The following COXFA4 variants were observed in gnomAD, a reference collection of about 807,000 sequenced individuals.
COXFA4 encodes the protein cytochrome c oxidase associated subunit FA4.
the COXFA4 span, chr7:10,939,787 T>C: frequency 3.2e-6 from 2 of 621,808 alleles, no homozygotes; most frequent in South Asian, 1.8e-5. Context: ...AGGTTTTTTT[T>C]CCGAGCAGTG....
chr7:10,938,200 T>C, the COXFA4 span: 1 of 1,458,764 alleles, frequency 6.9e-7, no homozygotes, highest in Non-Finnish European at 9.6e-7. Context: ...CTATTTAGTG[T>C]TTTGTACTAA....
At chr7:10,932,975 AAAG>A in the COXFA4 span, 4 of 152,166 alleles carry the variant, frequency 2.6e-5, no homozygotes, top group Admixed American at 6.6e-5. Context: ...AAAAAAAAAA[AAAG>A]AAAAAAGAAA....
At chr7:10,938,700 T>C in the COXFA4 span, 1 of 814,754 alleles carries the variant, frequency 1.2e-6, no homozygotes, top group Non-Finnish European at 2.1e-6. Context: ...TGTATGACTG[T>C]AAATGTAACA....
chr7:10,939,093 T>C, the COXFA4 span: 1 of 516,774 alleles, frequency 1.9e-6, no homozygotes, highest in Non-Finnish European at 3.5e-6. Context: ...GAAATGGAAT[T>C]TGGAAAGGAT....
the COXFA4 span, among the ~76,000 whole-genome samples, chr7:10,934,413 TA>T: frequency 4.1e-5 from 6 of 146,966 alleles, no homozygotes; most frequent in East Asian, 2.0e-4. Context: ...CTCAGTAACT[TA>T]AAAAAAAATG....
At chr7:10,939,987 A>G in the COXFA4 span, 2 of 1,613,470 alleles carry the variant, frequency 1.2e-6, no homozygotes, top group Non-Finnish European at 1.7e-6. Flanking sequence ...GGACAAGGGA[A>G]AACATTAGGA....
the COXFA4 span, chr7:10,933,308 C>G: frequency 3.5e-6 from 1 of 285,426 alleles, no homozygotes; most frequent in Admixed American, 4.9e-5. Flanking sequence ...TACCAACAGT[C>G]TATACACAAA....
At chr7:10,936,801 G>A in the COXFA4 span, among the ~76,000 whole-genome samples, 5 of 152,140 alleles carry the variant, frequency 3.3e-5, no homozygotes, top group East Asian at 9.6e-4. Context: ...CTGGGGGGTT[G>A]AGACAGACGG....
At chr7:10,938,838 A>G in the COXFA4 span, 1 of 1,613,758 alleles carries the variant, frequency 6.2e-7, no homozygotes, top group South Asian at 1.1e-5. Flanking sequence ...TGCCAGACGC[A>G]AGAGATACAG....
the COXFA4 span, among the ~76,000 whole-genome samples, chr7:10,934,586 AACC>A: frequency 6.6e-6 from 1 of 152,162 alleles, no homozygotes; most frequent in Non-Finnish European, 1.5e-5. Context: ...TCTCCAAAAG[AACC>A]ACAATTTCAG....
chr7:10,938,575 G>C, the COXFA4 span: 1 of 470,932 alleles, frequency 2.1e-6, no homozygotes, highest in Non-Finnish European at 3.8e-6. Flanking sequence ...AACATTACAA[G>C]ATTTGGTATT....
chr7:10,935,547 A>G, the COXFA4 span, among the ~76,000 whole-genome samples: 1 of 152,206 alleles, frequency 6.6e-6, no homozygotes, highest in Non-Finnish European at 1.5e-5. Flanking sequence ...TGTAACCTCA[A>G]ACGCCAATGG....
the COXFA4 span, chr7:10,938,036 CA>C: frequency 6.6e-7 from 1 of 1,517,484 alleles, no homozygotes; most frequent in Non-Finnish European, 9.2e-7. Flanking sequence ...CACCCCATGA[CA>C]AAACTTATTA....
chr7:10,933,569 A>G, the COXFA4 span: 1 of 1,283,288 alleles, frequency 7.8e-7, no homozygotes, highest in Non-Finnish European at 1.1e-6. Context: ...GGTTAAGTGG[A>G]AAATTGTGCG....
the COXFA4 span, chr7:10,939,993 TAGG>T: frequency 6.2e-7 from 1 of 1,613,430 alleles, no homozygotes; most frequent in East Asian, 2.2e-5. Flanking sequence ...GGGAAAACAT[TAGG>T]AGAGCGGTCA....
At chr7:10,938,223 G>C in the COXFA4 span, 3 of 1,287,482 alleles carry the variant, frequency 2.3e-6, no homozygotes, top group Non-Finnish European at 3.4e-6. Context: ...ATACATTTTT[G>C]AACAGATCAA....
chr7:10,937,962 C>A, the COXFA4 span: 50 of 757,418 alleles, frequency 6.6e-5, no homozygotes, highest in Non-Finnish European at 1.1e-4. Flanking sequence ...CACAGAACTA[C>A]CTAACAGCTC....
chr7:10,938,488 T>A, the COXFA4 span: 24 of 420,426 alleles, frequency 5.7e-5, no homozygotes, highest in Admixed American at 1.2e-4. Flanking sequence ...AATGTGCAAG[T>A]GAAGGCAAAA....
At chr7:10,938,985 C>G in the COXFA4 span, 2 of 1,008,554 alleles carry the variant, frequency 2.0e-6, no homozygotes, top group East Asian at 4.8e-5. Flanking sequence ...ACATTGATTT[C>G]CAAGTCTCAA....
Sources: allele counts gnomAD v4.1 joint callset (sites outside exome capture counted in the v4.1 genomes callset), GRCh38; gene constraint gnomAD v4.1.1; transcripts MANE v1.5; gene names NCBI Gene and HGNC (gene_info 2026-07-23, HGNC 2026-07-21).